VPS8: variants seen among roughly 807,000 people sequenced by gnomAD.
VPS8 encodes the protein VPS8 subunit of CORVET complex.
Under a neutral mutation model 216.4 loss-of-function variants are expected in VPS8, and 129 were observed. That is an observed-to-expected ratio of 0.60 (90% confidence interval 0.52 to 0.69). The LOEUF (loss-of-function observed/expected upper bound fraction) is 0.69, where lower values mean the gene tolerates loss of function less well. Among genes scored for constraint, VPS8 ranks in the 30% least tolerant of loss-of-function variants. VPS8 has a pLI of 0.00. For synonymous variants in VPS8, 571 were observed against 565.4 expected (o/e 1.01, Z -0.14); for missense variants, 1,531 against 1,683.5 (o/e 0.91, Z 1.59).
chr3:184,867,076 T>A, intron 17 of VPS8, 126 bp downstream of exon 17: 1 of 784,606 alleles, frequency 1.3e-6, no homozygotes, highest in Non-Finnish European at 2.0e-6. Context: ...CCTAAACCCT[T>A]TGTGGTTAGG....
At chr3:184,981,059 G>A (rs1021660266) in intron 40 of VPS8, among the ~76,000 whole-genome samples, 3 of 152,164 alleles carry the variant, frequency 2.0e-5, no homozygotes, top group African/African-American at 4.8e-5. Flanking sequence ...CTTCATTTCC[G>A]GAAGATTTCA....
At chr3:184,844,685 A>G (rs1253662668) in intron 8 of VPS8, among the ~76,000 whole-genome samples, 1 of 152,228 alleles carries the variant, frequency 6.6e-6, no homozygotes, top group Non-Finnish European at 1.5e-5. Flanking sequence ...TTTGCTATTC[A>G]GCATATTATT....
chr3:185,032,362 G>A (rs1318606669), intron 46 of VPS8, among the ~76,000 whole-genome samples: 3 of 152,122 alleles, frequency 2.0e-5, no homozygotes, highest in Non-Finnish European at 4.4e-5. Flanking sequence ...CCAACCATAA[G>A]ATCTGCAAGG....
chr3:185,036,989 A>G (rs556939647), intron 46 of VPS8, among the ~76,000 whole-genome samples: 1 of 152,074 alleles, frequency 6.6e-6, no homozygotes, highest in Non-Finnish European at 1.5e-5. Flanking sequence ...TGCTTTTTAA[A>G]ATAAGTTATT....
At chr3:185,051,744 A>G in intron 47 of VPS8, 132 bp from the exon 48 acceptor site, 3 of 1,145,964 alleles carry the variant, frequency 2.6e-6, no homozygotes, top group Non-Finnish European at 3.5e-6. Context: ...TATGGACCTA[A>G]GATTCAAACC....
At position 184,910,589 on chromosome 3, in the gene VPS8, G is replaced by A. The variant is rs1052794497; in HGVS notation, c.2147-2930G>A. Among the ~76,000 whole-genome samples the A allele has an allele frequency of 2.0e-5, 3 of 152,310 alleles. 1 individual carries two copies. Among genetic ancestry groups the A allele is most frequent in the South Asian group, 4.1e-4 (2 of 4,832 alleles). On this transcript the variant is annotated intron_variant, in intron 25 of 47. Transcript: ENST00000625842. ...AGTCTTTTTCCTGCATGGTGGTTTA[G>A]TAAATGGATCCACTTCAGATGTGGG...
At chr3:184,990,650 G>A (rs1201170600) in intron 42 of VPS8, among the ~76,000 whole-genome samples, 1 of 152,098 alleles carries the variant, frequency 6.6e-6, no homozygotes, top group Non-Finnish European at 1.5e-5. Context: ...TTTGAAATGG[G>A]AACCACTAGA....
At chr3:184,870,632 A>G in intron 20 of VPS8, 84 bp from the exon 21 acceptor site, 2 of 962,820 alleles carry the variant, frequency 2.1e-6, no homozygotes, top group Non-Finnish European at 3.0e-6. Context: ...AATTCTAATT[A>G]TGTATTATTT....
At chr3:185,039,867 T>G (rs1759408092) in intron 46 of VPS8, among the ~76,000 whole-genome samples, 1 of 152,126 alleles carries the variant, frequency 6.6e-6, no homozygotes, top group Non-Finnish European at 1.5e-5. Flanking sequence ...TCTAGCCAAT[T>G]TCAACCTGTT....
chr3:184,986,136 G>A (rs557952672), intron 42 of VPS8, among the ~76,000 whole-genome samples: 24 of 152,222 alleles, frequency 1.6e-4, no homozygotes, highest in African/African-American at 4.6e-4. Flanking sequence ...AAACAGAGTA[G>A]GAAATTTGGA....
At chr3:184,955,995 G>A (rs1745536146) in intron 36 of VPS8, among the ~76,000 whole-genome samples, 1 of 150,044 alleles carries the variant, frequency 6.7e-6, no homozygotes, top group African/African-American at 2.4e-5. Context: ...CTCTTTCTTT[G>A]GAATTTATAG....
rs370791326 is a variant in VPS8 at position 184,870,781 on chromosome 3, C to G, written c.1710C>G (p.Ile570Met). Reference protein sequence around the residue: ...ALKKCPDQGKIQVMEQHFQDM... With the variant: ...ALKKCPDQGKMQVMEQHFQDM... ...AAAAGTGCCCAGACCAAGGAAAAAT[C>G]CAAGTGATGGAGCAGCATTTTCAGG... Residue 570 changes from isoleucine (I) to methionine (M), a missense_variant, in exon 21 of 48, where the codon ATC (isoleucine) becomes ATG (methionine). This residue lies in a region of VPS8 where 1,318 missense variants were observed against 1,468.4 expected (regional missense o/e 0.90). Coordinates refer to ENST00000625842, the MANE Select transcript of VPS8 (RefSeq NM_001009921.3). The G allele has an allele frequency of 6.2e-7, 1 of 1,611,938 alleles. No individual in the cohort carries two copies. Among genetic ancestry groups the G allele is most frequent in the South Asian group, 1.1e-5 (1 of 90,636 alleles).
intron 5 of VPS8, among the ~76,000 whole-genome samples, chr3:184,837,610 C>CT (rs1461595901): frequency 6.6e-6 from 1 of 152,166 alleles, no homozygotes; most frequent in African/African-American, 2.4e-5. Context: ...TTGCTCATTG[C>CT]TTTTTTCTCC....
At chr3:185,000,428 A>G (rs1229835023) in intron 45 of VPS8, among the ~76,000 whole-genome samples, 2 of 152,096 alleles carry the variant, frequency 1.3e-5, no homozygotes, top group South Asian at 2.1e-4. Context: ...GAGGGGTTCA[A>G]TGTGGAGAAG....
chr3:184,877,338 G>C (rs1014538117), intron 21 of VPS8, among the ~76,000 whole-genome samples: 5 of 152,178 alleles, frequency 3.3e-5, no homozygotes, highest in African/African-American at 7.2e-5. Flanking sequence ...TGTCATTGCC[G>C]TATGCCCAGC....
At position 184,957,459 on chromosome 3, in the gene VPS8, C is replaced by G. The variant is rs201443606; in HGVS notation, c.3121C>G (p.Pro1041Ala). Residue 1041 changes from proline to alanine, a missense_variant, in exon 37 of 48, where the codon CCA becomes GCA. By Grantham distance (27) the Pro-to-Ala change is conservative. This residue lies in a region of VPS8 where 1,318 missense variants were observed against 1,468.4 expected (regional missense o/e 0.90). Coordinates refer to ENST00000625842, the MANE Select transcript of VPS8 (RefSeq NM_001009921.3). The part of the protein sequence containing the change: ...QFIELLCQFN[P>A]TQVIETLQVL... ...CATTGAGCTGTTGTGTCAGTTCAAC[C>G]CAACCCAAGTTATAGAGACTCTGCA... 21 of 1,612,596 alleles carry G rather than the reference C, an allele frequency of 1.3e-5. No homozygotes were observed. The East Asian group carries it at 4.5e-4, about 34-fold the overall frequency.
chr3:184,889,019 A>C (rs1206615318), intron 22 of VPS8, among the ~76,000 whole-genome samples: 1 of 152,212 alleles, frequency 6.6e-6, no homozygotes, highest in Admixed American at 6.5e-5. Flanking sequence ...GTTTTTCCAG[A>C]ATATTTTGTT....
chr3:185,048,169 T>A (rs1446545028), intron 46 of VPS8, among the ~76,000 whole-genome samples: 1 of 152,206 alleles, frequency 6.6e-6, no homozygotes, highest in Non-Finnish European at 1.5e-5. Flanking sequence ...AGGAACTAAC[T>A]AGCTCTGCAT....
rs1011067606 is a variant in VPS8, at chr3:184,919,630, CT to C, written c.2383-489del. 1.2e-3 allele frequency among the ~76,000 whole-genome samples: 177 copies of C among 151,842 alleles called. 2 individuals are homozygous for C. The highest frequency in any genetic ancestry group is 0.011 in the East Asian group (55 of 5,176). On this transcript the variant is annotated intron_variant, in intron 28 of 47. Transcript: ENST00000625842. ...AGTAAGTAGGCTTGAGAATTTTAAC[CT>C]TTTTTTTACCATAATAATTTTTAAA...
Sources: allele counts gnomAD v4.1 joint callset (sites outside exome capture counted in the v4.1 genomes callset), GRCh38; gene constraint gnomAD v4.1.1; regional missense constraint gnomAD v4.1.1; transcripts MANE v1.5; gene names NCBI Gene and HGNC (gene_info 2026-07-23, HGNC 2026-07-21).